RHOU: variants seen among roughly 807,000 people sequenced by gnomAD.
RHOU encodes ras homolog family member U.
A neutral mutation model predicts 12.6 loss-of-function variants in RHOU; 8 were observed. The ratio of observed to expected loss-of-function variants is 0.64; its 90% CI spans 0.37 to 1.15. The LOEUF is 1.15. RHOU is among the 50% of genes most tolerant of loss of function. RHOU has a pLI of 0.01. For missense variants in RHOU, 258 were observed against 347.0 expected (o/e 0.74, Z 2.04); for synonymous variants, 161 against 147.4 (o/e 1.09, Z -0.67).
At chr1:228,676,028 T>C in the RHOU span, among the ~76,000 whole-genome samples, 1 of 152,176 alleles carries the variant, frequency 6.6e-6, no homozygotes, top group Non-Finnish European at 1.5e-5. Context: ...ATATATGGCA[T>C]GTTATGGCTA....
chr1:228,693,688 C>T, the RHOU span, among the ~76,000 whole-genome samples: 5 of 152,184 alleles, frequency 3.3e-5, no homozygotes, highest in African/African-American at 1.2e-4. Context: ...GGCTGGTCTC[C>T]AACTCCTGAC....
At chr1:228,654,710 A>G in the RHOU span, among the ~76,000 whole-genome samples, 1 of 152,212 alleles carries the variant, frequency 6.6e-6, no homozygotes, top group African/African-American at 2.4e-5. Flanking sequence ...GATCTAAGAA[A>G]TCCTTTAGTG....
the RHOU span, among the ~76,000 whole-genome samples, chr1:228,688,706 A>T: frequency 6.6e-6 from 1 of 152,170 alleles, no homozygotes; most frequent in Non-Finnish European, 1.5e-5. Context: ...TATGTACAAA[A>T]CACCAAGAAG....
chr1:228,718,606 A>G, the RHOU span, among the ~76,000 whole-genome samples: 1 of 152,230 alleles, frequency 6.6e-6, no homozygotes, highest in Non-Finnish European at 1.5e-5. Flanking sequence ...TGAAACAAGT[A>G]TTAGACAAGT....
upstream of RHOU, among the ~76,000 whole-genome samples, chr1:228,731,694 C>T (rs749511736): frequency 2.4e-4 from 37 of 152,034 alleles, no homozygotes; most frequent in South Asian, 2.1e-3. Context: ...GGGTTACAGA[C>T]CTGTAGTTCG....
the RHOU span, among the ~76,000 whole-genome samples, chr1:228,693,756 G>T: frequency 6.6e-6 from 1 of 152,094 alleles, no homozygotes; most frequent in African/African-American, 2.4e-5. Flanking sequence ...ATGAGCCACC[G>T]CTCCCGGCAC....
At chr1:228,654,321 G>T in the RHOU span, among the ~76,000 whole-genome samples, 1 of 152,050 alleles carries the variant, frequency 6.6e-6, no homozygotes, top group Non-Finnish European at 1.5e-5. Flanking sequence ...TGCCCAGGCT[G>T]GTCTCAAACT....
chr1:228,742,649 G>A (rs1015625499), intron 2 of RHOU, among the ~76,000 whole-genome samples: 2 of 152,180 alleles, frequency 1.3e-5, no homozygotes, highest in Non-Finnish European at 2.9e-5. Flanking sequence ...TCTGAGTCAC[G>A]ATGACAATGG....
chr1:228,712,667 G>C, the RHOU span, among the ~76,000 whole-genome samples: 2 of 111,902 alleles, frequency 1.8e-5, no homozygotes, highest in Non-Finnish European at 3.5e-5. Flanking sequence ...TTGTAGGGTG[G>C]GGGGAGGGGG....
the RHOU span, among the ~76,000 whole-genome samples, chr1:228,689,950 G>A: frequency 6.6e-6 from 1 of 151,854 alleles, no homozygotes; most frequent in African/African-American, 2.4e-5. Flanking sequence ...CAAAATTTCA[G>A]CAAGAACTTT....
the RHOU span, among the ~76,000 whole-genome samples, chr1:228,651,884 T>C: frequency 6.6e-6 from 1 of 152,216 alleles, no homozygotes; most frequent in Admixed American, 6.5e-5. Flanking sequence ...ACAGGGTTTG[T>C]GGAGACATGA....
chr1:228,674,755 GA>G, the RHOU span, among the ~76,000 whole-genome samples: 458 of 150,682 alleles, frequency 3.0e-3, 2 homozygotes, highest in African/African-American at 0.011. Context: ...TTTTAAGACA[GA>G]GTCTCGCTCT....
At chr1:228,674,317 A>G in the RHOU span, among the ~76,000 whole-genome samples, 10 of 148,676 alleles carry the variant, frequency 6.7e-5, no homozygotes, top group African/African-American at 2.5e-4. Context: ...TTAGTCTAAT[A>G]TACACATCTT....
chr1:228,676,484 C>T, the RHOU span, among the ~76,000 whole-genome samples: 1 of 152,004 alleles, frequency 6.6e-6, no homozygotes, highest in Non-Finnish European at 1.5e-5. Flanking sequence ...TATGGTGAGT[C>T]TCCATCTCGA....
At chr1:228,657,953 C>T in the RHOU span, among the ~76,000 whole-genome samples, 4 of 152,138 alleles carry the variant, frequency 2.6e-5, no homozygotes, top group Admixed American at 1.3e-4. Context: ...AAAATTTATA[C>T]GTTGAAATTT....
the RHOU span, among the ~76,000 whole-genome samples, chr1:228,696,940 A>C: frequency 6.6e-6 from 1 of 152,154 alleles, no homozygotes; most frequent in East Asian, 1.9e-4. Context: ...GCATATAAGA[A>C]ATAATAAACC....
the RHOU span, among the ~76,000 whole-genome samples, chr1:228,711,504 G>A: frequency 4.5e-4 from 68 of 151,724 alleles, no homozygotes; most frequent in African/African-American, 1.3e-3. Flanking sequence ...AAATAACGCC[G>A]CATATCTACA....
At chr1:228,648,148 C>T in the RHOU span, 1 of 152,360 alleles carries the variant, frequency 6.6e-6, no homozygotes, top group East Asian at 1.9e-4. Context: ...GAGCCGCTCG[C>T]CGGAGGTCTG....
At chr1:228,673,646 G>T in the RHOU span, among the ~76,000 whole-genome samples, 2 of 152,170 alleles carry the variant, frequency 1.3e-5, no homozygotes, top group Non-Finnish European at 2.9e-5. Flanking sequence ...CCTGCTCTGG[G>T]CATGTAAGAC....
Sources: allele counts gnomAD v4.1 joint callset (sites outside exome capture counted in the v4.1 genomes callset), GRCh38; gene constraint gnomAD v4.1.1; transcripts MANE v1.5; gene names NCBI Gene and HGNC (gene_info 2026-07-23, HGNC 2026-07-21).